Variants in SH3RF3 observed in about 807,000 individuals in gnomAD.
SH3RF3 encodes SH3 domain containing ring finger 3, also known as E3 ubiquitin-protein ligase SH3RF3.
Under a neutral mutation model 66.3 loss-of-function variants are expected in SH3RF3, and 29 were observed. That is an observed-to-expected ratio of 0.44 (90% CI 0.33 to 0.60). The LOEUF (loss-of-function observed/expected upper bound fraction) is 0.60, where lower values mean the gene tolerates loss of function less well. SH3RF3 is among the 20% of genes least tolerant of loss of function. SH3RF3 has a pLI of 0.04. For synonymous variants in SH3RF3, 583 were observed against 532.0 expected (o/e 1.10, Z -1.32); for missense variants, 1,194 against 1,190.9 (o/e 1.00, Z -0.04).
Position 109,372,706 on chromosome 2 carries a change from G to T in SH3RF3, c.945+1025G>T, listed in dbSNP as rs536406347. Among the ~76,000 whole-genome samples, 46 of 152,274 alleles carry T rather than the reference G, an allele frequency of 3.0e-4. No individual in the cohort carries two copies. The South Asian group carries it at 8.9e-3, about 30-fold the overall frequency. ...GACTCAGCCAGCCCTTCACTCTCCT[G>T]CTCTCACACCATATCCTGCCTCTCC... On this transcript the variant is annotated intron_variant, in intron 3 of 9. Coordinates refer to ENST00000309415, the MANE Select transcript of SH3RF3 (RefSeq NM_001099289.3).
At chr2:109,395,400 C>T (rs1051502161) in intron 3 of SH3RF3, among the ~76,000 whole-genome samples, 3 of 152,244 alleles carry the variant, frequency 2.0e-5, no homozygotes, top group Non-Finnish European at 2.9e-5. Context: ...AACCCCTCCT[C>T]TTCCTGGGAG....
Position 109,347,752 on chromosome 2 carries a change from G to A in SH3RF3, c.652G>A (p.Gly218Arg). 1 of 1,613,972 alleles carries A rather than the reference G, an allele frequency of 6.2e-7. No individual in the cohort carries two copies. The highest frequency in any genetic ancestry group is 8.5e-7 in the Non-Finnish European group (1 of 1,179,862). Residue 218 changes from glycine to arginine, a missense_variant, in exon 2 of 10, where the codon GGG becomes AGG. Gly to Arg is a moderately radical substitution (Grantham distance 125). Coordinates refer to ENST00000309415, the MANE Select transcript of SH3RF3 (RefSeq NM_001099289.3). ...KEPGDLKFNK[G>R]DIIVLRRKVD... The stretch of plus-strand genomic sequence containing the variant: ...ACCTGGTGACCTCAAGTTCAACAAG[G>A]GGGACATCATCGTCCTGCGGCGCAA...
At chr2:109,408,762 T>C (rs1007670379) in intron 4 of SH3RF3, among the ~76,000 whole-genome samples, 1 of 152,242 alleles carries the variant, frequency 6.6e-6, no homozygotes, top group African/African-American at 2.4e-5. Flanking sequence ...ACTTTCTGTT[T>C]GAAGACAGAA....
At chr2:109,308,352 A>G (rs201818866) in intron 1 of SH3RF3, among the ~76,000 whole-genome samples, 7,708 of 86,430 alleles carry the variant, frequency 0.089, 173 homozygotes, top group African/African-American at 0.18. Context: ...GGTTGCGAAA[A>G]TTTTCTCCCA....
intron 1 of SH3RF3, among the ~76,000 whole-genome samples, chr2:109,345,855 T>G (rs1039708679): frequency 6.6e-6 from 1 of 152,178 alleles, no homozygotes; most frequent in Admixed American, 6.5e-5. Context: ...GAGGCTGTCC[T>G]GGGCATTGCA....
At position 109,266,285 on chromosome 2, in the gene SH3RF3, TTGTGTTGTGTGTA is replaced by T. The variant is rs373187598; in HGVS notation, c.574-81376_574-81364del. Among the ~76,000 whole-genome samples, 1,403 of 151,088 alleles carry T rather than the reference TTGTGTTGTGTGTA, an allele frequency of 9.3e-3. 18 individuals are homozygous for T. The highest frequency in any genetic ancestry group is 0.033 in the African/African-American group (1,347 of 41,102). On this transcript the variant is annotated intron_variant, in intron 1 of 9. Coordinates refer to ENST00000309415, the MANE Select transcript of SH3RF3 (RefSeq NM_001099289.3). ...GTGCGTGCATGTGTTATTTGCATGT[TTGTGTTGTGTGTA>T]TGTGTTGTGTGTGTGTTGTATGGTG...
At chr2:109,174,088 G>C (rs1677863773) in intron 1 of SH3RF3, among the ~76,000 whole-genome samples, 1 of 152,246 alleles carries the variant, frequency 6.6e-6, no homozygotes, top group South Asian at 2.1e-4. Flanking sequence ...TTCCTTGCCT[G>C]TGCAGTGGCC....
intron 1 of SH3RF3, among the ~76,000 whole-genome samples, chr2:109,344,861 G>T (rs1449867753): frequency 6.6e-6 from 1 of 152,214 alleles, no homozygotes; most frequent in African/African-American, 2.4e-5. Context: ...CAGATGTCCA[G>T]CAGAGCCGTC....
chr2:109,424,243 G>A (rs1359002230), intron 5 of SH3RF3, among the ~76,000 whole-genome samples: 1 of 152,144 alleles, frequency 6.6e-6, no homozygotes, highest in Non-Finnish European at 1.5e-5. Context: ...GTGAGCCAGC[G>A]CTGGCTTCAG....
intron 1 of SH3RF3, among the ~76,000 whole-genome samples, chr2:109,155,952 A>G (rs1677337145): frequency 6.6e-6 from 1 of 152,186 alleles, no homozygotes; most frequent in African/African-American, 2.4e-5. Context: ...GCAACTCAGG[A>G]TCATTCTGCA....
At chr2:109,394,752 C>T (rs1676094323) in intron 3 of SH3RF3, among the ~76,000 whole-genome samples, 1 of 152,148 alleles carries the variant, frequency 6.6e-6, no homozygotes, top group Non-Finnish European at 1.5e-5. Context: ...TTCCAGATGG[C>T]ACCTTGGTGG....
intron 1 of SH3RF3, among the ~76,000 whole-genome samples, chr2:109,237,139 G>A (rs34044547): frequency 0.019 from 2,883 of 152,224 alleles, 37 homozygotes; most frequent in Non-Finnish European, 0.028. Flanking sequence ...AGATGTTCAC[G>A]GAATAGATTT....
At chr2:109,393,308 C>T (rs1421006858) in intron 3 of SH3RF3, among the ~76,000 whole-genome samples, 11 of 152,184 alleles carry the variant, frequency 7.2e-5, no homozygotes, top group Admixed American at 7.2e-4. Context: ...CATTGGGAAG[C>T]CGAGCTTGCA....
intron 9 of SH3RF3, among the ~76,000 whole-genome samples, chr2:109,495,440 C>T (rs1219134964): frequency 2.0e-5 from 3 of 150,290 alleles, no homozygotes; most frequent in Admixed American, 6.6e-5. Context: ...CACTCTGGGC[C>T]ACCTACCGGC....
chr2:109,422,614 G>T (rs934387830), intron 5 of SH3RF3, among the ~76,000 whole-genome samples: 1 of 47,432 alleles, frequency 2.1e-5, no homozygotes, highest in Non-Finnish European at 6.7e-5. Flanking sequence ...GCTGTGTTGG[G>T]CTGGGGCTTG....
rs542535234 is a variant in SH3RF3 at position 109,398,730 on chromosome 2, G to T, written c.1086G>T (p.Ala362=). ...APSPTLSSSG[A]VSAFQRRVDG... ...GTCCCACTTTAAGCAGCTCAGGGGCGGTCAGTGCCTTTCAGCGGCGTGTGG... is the reference window on the plus strand; with the variant it reads ...GTCCCACTTTAAGCAGCTCAGGGGCTGTCAGTGCCTTTCAGCGGCGTGTGG... Residue 362 remains alanine (A), a synonymous_variant, in exon 4 of 10, where the codon GCG becomes GCT. Coordinates refer to ENST00000309415, the MANE Select transcript of SH3RF3 (RefSeq NM_001099289.3). 6.2e-7 allele frequency: 1 copy of T among 1,613,160 alleles called. No homozygotes were observed. Among genetic ancestry groups the T allele is most frequent in the Non-Finnish European group, 8.5e-7 (1 of 1,179,608 alleles).
Position 109,449,381 on chromosome 2 carries a change from C to G in SH3RF3, c.2040C>G (p.Val680=), listed in dbSNP as rs1184394899. The G allele has an allele frequency of 6.2e-7, 1 of 1,611,684 alleles. No individual in the cohort carries two copies. The change falls in exon 8 of 10, where the codon GTC becomes GTG. Residue 680 remains valine, a synonymous_variant. Transcript: ENST00000309415. ...CATCAGCCATCACACCTCCCAACGT[C>G]AGTGCCGCAAACCTCAACGGGGAGG... ...SAASAITPPN[V]SAANLNGEAG... is the part of the protein sequence containing the mutation.
chr2:109,221,993 AC>A (rs1294563791), intron 1 of SH3RF3, among the ~76,000 whole-genome samples: 5 of 151,478 alleles, frequency 3.3e-5, no homozygotes, highest in African/African-American at 1.2e-4. Flanking sequence ...AAAAAAAAAA[AC>A]ACAGGGGATA....
At chr2:109,333,419 A>G (rs564018722) in intron 1 of SH3RF3, among the ~76,000 whole-genome samples, 25 of 152,372 alleles carry the variant, frequency 1.6e-4, no homozygotes, top group African/African-American at 5.8e-4. Flanking sequence ...TAAAAACACA[A>G]AATAAAACAA....
Sources: allele counts gnomAD v4.1 joint callset (sites outside exome capture counted in the v4.1 genomes callset), GRCh38; gene constraint gnomAD v4.1.1; transcripts MANE v1.5; gene names NCBI Gene and HGNC (gene_info 2026-07-23, HGNC 2026-07-21).